The following SSH2 variants were observed in gnomAD, a reference collection of about 807,000 sequenced individuals.
The protein encoded by SSH2 is slingshot protein phosphatase 2.
Under a neutral mutation model 135.2 loss-of-function variants are expected in SSH2, and 37 were observed. The observed-to-expected ratio is 0.27, with a 90% CI of 0.21 to 0.36. SSH2 has a LOEUF of 0.36. Ranked by LOEUF, SSH2 falls within the 10% of genes least tolerant of loss-of-function variation. SSH2 has a pLI of 1.00. For missense variants in SSH2, 1,408 were observed against 1,765.3 expected (o/e 0.80, Z 3.63); for synonymous variants, 628 against 646.2 (o/e 0.97, Z 0.43).
chr17:29,888,142 G>A (rs892038013), intron 1 of SSH2, among the ~76,000 whole-genome samples: 5 of 152,136 alleles, frequency 3.3e-5, no homozygotes, highest in African/African-American at 1.2e-4. Context: ...GGAGGCTGAG[G>A]CAGGAGAATT....
At chr17:29,874,004 G>A (rs2065983950) in intron 1 of SSH2, among the ~76,000 whole-genome samples, 1 of 151,956 alleles carries the variant, frequency 6.6e-6, no homozygotes, top group African/African-American at 2.4e-5. Context: ...ATTAAAGGGG[G>A]TTTTCAGGCT....
intron 3 of SSH2, among the ~76,000 whole-genome samples, chr17:29,792,113 G>A (rs1262815953): frequency 6.6e-6 from 1 of 151,814 alleles, no homozygotes; most frequent in Non-Finnish European, 1.5e-5. Context: ...TTTTATTAAA[G>A]ATGGGGTTTT....
intron 1 of SSH2, among the ~76,000 whole-genome samples, chr17:29,902,128 T>C (rs766376584): frequency 5.9e-5 from 9 of 152,116 alleles, no homozygotes; most frequent in Non-Finnish European, 1.2e-4. Context: ...ATTCCTTAAC[T>C]AATAAGGCAG....
intron 3 of SSH2, among the ~76,000 whole-genome samples, chr17:29,761,888 T>TA (rs1420701753): frequency 4.5e-5 from 6 of 132,306 alleles, no homozygotes; most frequent in African/African-American, 1.5e-4. Context: ...TATATATATA[T>TA]TTTTTTTTGA....
chr17:29,742,980 G>GGA (rs1312674486), intron 3 of SSH2, among the ~76,000 whole-genome samples: 2 of 151,756 alleles, frequency 1.3e-5, no homozygotes, highest in Admixed American at 1.3e-4. Context: ...CGTCCAGGCT[G>GGA]GAGTTCAGTA....
intron 2 of SSH2, among the ~76,000 whole-genome samples, chr17:29,822,424 C>T (rs1027548807): frequency 1.3e-5 from 2 of 151,224 alleles, no homozygotes; most frequent in African/African-American, 4.9e-5. Flanking sequence ...TACAGTGGCA[C>T]AATCATAGCT....
At chr17:29,929,470 G>A in intron 1 of SSH2, 2 of 198,066 alleles carry the variant, frequency 1.0e-5, no homozygotes, top group South Asian at 1.7e-4. Context: ...ACTAGGGGAA[G>A]GCACACACCC....
chr17:29,658,243 C>T (rs1193176918), intron 11 of SSH2, among the ~76,000 whole-genome samples: 1 of 152,098 alleles, frequency 6.6e-6, no homozygotes, highest in South Asian at 2.1e-4. Context: ...ACCTCATGAT[C>T]TGCCCACCTC....
Position 29,631,833 on chromosome 17 carries a change from T to A in SSH2, c.3361A>T (p.Thr1121Ser), listed in dbSNP as rs150623233. 24 of 1,613,806 alleles carry A rather than the reference T, an allele frequency of 1.5e-5. No individual in the cohort carries two copies. The highest frequency in any genetic ancestry group is 3.3e-5 in the Admixed American group (2 of 59,966). The change falls in exon 16 of 16, where the codon ACC becomes TCC. Residue 1121 changes from threonine (T) to serine (S), a missense_variant. Around this residue, in one of 3 missense-constraint regions of SSH2, gnomAD observed 1,080 missense variants for 1,144.5 expected, o/e 0.94. Transcript: ENST00000540801. Reference protein sequence around the residue: ...PEHNRPTDHPTSILSSPEDRG... With the variant: ...PEHNRPTDHPSSILSSPEDRG... ...TCTTCAGGGCTACTCAGGATGGAGG[T>A]TGGATGGTCAGTGGGTCTGTTGTGC...
chr17:29,693,186 G>A (rs956898868), intron 5 of SSH2, among the ~76,000 whole-genome samples: 23 of 151,944 alleles, frequency 1.5e-4, no homozygotes, highest in African/African-American at 5.3e-4. Context: ...GGGCTCAAGC[G>A]ATCCTCCTGC....
chr17:29,743,981 A>G (rs543412262), intron 3 of SSH2, among the ~76,000 whole-genome samples: 1 of 138,324 alleles, frequency 7.2e-6, no homozygotes, highest in African/African-American at 2.7e-5. Flanking sequence ...GTCGGAAGCC[A>G]CTGTGGAGAA....
At chr17:29,879,412 C>A (rs1222264887) in intron 1 of SSH2, among the ~76,000 whole-genome samples, 1 of 147,192 alleles carries the variant, frequency 6.8e-6, no homozygotes, top group Non-Finnish European at 1.5e-5. Flanking sequence ...TTTTTTAGAG[C>A]GCTTTTAGGT....
At chr17:29,634,224 A>G (rs779016693) in intron 15 of SSH2, among the ~76,000 whole-genome samples, 12 of 152,228 alleles carry the variant, frequency 7.9e-5, no homozygotes, top group Non-Finnish European at 1.5e-4. Flanking sequence ...GAGAGAGAAC[A>G]AATCGTTAAC....
chr17:29,791,216 G>A (rs2042059668), intron 3 of SSH2, among the ~76,000 whole-genome samples: 2 of 152,110 alleles, frequency 1.3e-5, no homozygotes, highest in South Asian at 4.2e-4. Context: ...CACCTGAGTA[G>A]CTGGACTACA....
At chr17:29,907,949 T>C (rs1440531263) in intron 1 of SSH2, among the ~76,000 whole-genome samples, 3 of 151,484 alleles carry the variant, frequency 2.0e-5, no homozygotes, top group Non-Finnish European at 4.4e-5. Context: ...GCCTCATGAG[T>C]AGCTGGGACT....
chr17:29,856,118 C>T, intron 1 of SSH2: 2 of 324,278 alleles, frequency 6.2e-6, no homozygotes, highest in South Asian at 5.4e-5. Context: ...GTGAAAAATA[C>T]ATCTGGATGG....
At chr17:29,671,869 A>G (rs1011498571) in intron 9 of SSH2, 66 bp downstream of exon 9, 5 of 1,355,322 alleles carry the variant, frequency 3.7e-6, no homozygotes, top group Non-Finnish European at 5.1e-6. Flanking sequence ...AGGGAGGAAC[A>G]TGCTTCTTAT....
chr17:29,920,961 C>G (rs1276729041), intron 1 of SSH2, among the ~76,000 whole-genome samples: 1 of 151,876 alleles, frequency 6.6e-6, no homozygotes, highest in Non-Finnish European at 1.5e-5. Flanking sequence ...AGAATACTTA[C>G]ACATCAATAT....
intron 1 of SSH2, among the ~76,000 whole-genome samples, chr17:29,900,508 G>C (rs956402463): frequency 3.3e-5 from 5 of 152,190 alleles, no homozygotes; most frequent in African/African-American, 9.6e-5. Flanking sequence ...CATTTATGCA[G>C]CCAAAAGACA....
Sources: gnomAD v4.1 joint callset for allele counts (sites outside exome capture counted in the v4.1 genomes callset) on GRCh38, gnomAD v4.1.1 for gene constraint, gnomAD v4.1.1 regional missense constraint, MANE v1.5 for transcripts, NCBI Gene and HGNC (gene_info 2026-07-23, HGNC 2026-07-21) for gene names.